Variants in LRP1B observed in about 807,000 individuals in gnomAD.
LRP1B encodes LDL receptor related protein 1B, also known as low-density lipoprotein receptor-related protein 1B.
Under a neutral mutation model 556.6 loss-of-function variants are expected in LRP1B, and 217 were observed. The ratio of observed to expected loss-of-function variants is 0.39; its 90% confidence interval spans 0.35 to 0.44. LRP1B has a LOEUF of 0.44. Among genes scored for constraint, LRP1B ranks in the 20% least tolerant of loss-of-function variants. LRP1B has a pLI of 1.00. For missense variants in LRP1B, 5,053 were observed against 5,620.8 expected (o/e 0.90, Z 3.23); for synonymous variants, 2,047 against 1,865.8 (o/e 1.10, Z -2.50).
intron 25 of LRP1B, among the ~76,000 whole-genome samples, chr2:140,880,489 A>G (rs1426316019): frequency 6.6e-6 from 1 of 152,170 alleles, no homozygotes; most frequent in African/African-American, 2.4e-5. Context: ...GTCAAAATCC[A>G]GAAGACTGAA....
chr2:141,942,214 C>T (rs549574092), intron 1 of LRP1B, among the ~76,000 whole-genome samples: 1 of 152,250 alleles, frequency 6.6e-6, no homozygotes, highest in African/African-American at 2.4e-5. Flanking sequence ...GCCCTCGCCC[C>T]GCCCTCCACC....
In LRP1B at chr2:141,290,743, C is replaced by T. The variant is rs150892207; in HGVS notation, c.344-36102G>A. On this transcript the variant is annotated intron_variant, in intron 3 of 90. Transcript: ENST00000389484. ...AACTAGTTTCCTGGGATTTATGAGA[C>T]ATGGAGATTTGTAATTTTTATTTTG... 2.6e-4 allele frequency among the ~76,000 whole-genome samples: 40 copies of T among 152,188 alleles called. No homozygotes were observed. In the East Asian group the frequency reaches 7.3e-3, roughly 28 times the overall value.
intron 25 of LRP1B, among the ~76,000 whole-genome samples, chr2:140,879,360 T>C (rs566604303): frequency 6.6e-6 from 1 of 152,308 alleles, no homozygotes; most frequent in African/African-American, 2.4e-5. Flanking sequence ...TGGGACACTT[T>C]GATTCACTAA....
At chr2:141,420,752 A>G (rs912238591) in intron 3 of LRP1B, among the ~76,000 whole-genome samples, 3 of 152,198 alleles carry the variant, frequency 2.0e-5, no homozygotes, top group African/African-American at 4.8e-5. Context: ...TTGCCCAGCC[A>G]TGTTGGCCAT....
chr2:141,954,337 A>G (rs1187139215), intron 1 of LRP1B, among the ~76,000 whole-genome samples: 1 of 152,114 alleles, frequency 6.6e-6, no homozygotes, highest in Non-Finnish European at 1.5e-5. Context: ...GAAACACATA[A>G]AGAAAAATGA....
chr2:142,040,548 A>G (rs1174710817), intron 1 of LRP1B, among the ~76,000 whole-genome samples: 1 of 151,172 alleles, frequency 6.6e-6, no homozygotes, highest in African/African-American at 2.4e-5. Flanking sequence ...AAAATAAGGT[A>G]TGGGTTATCC....
chr2:141,123,679 G>T (rs1397226025), intron 7 of LRP1B, among the ~76,000 whole-genome samples: 1 of 151,936 alleles, frequency 6.6e-6, no homozygotes, highest in African/African-American at 2.4e-5. Context: ...CACAAAAATG[G>T]CTCATTAGCC....
chr2:141,613,044 C>G (rs1335623842), intron 2 of LRP1B, among the ~76,000 whole-genome samples: 3 of 151,844 alleles, frequency 2.0e-5, no homozygotes, highest in Non-Finnish European at 4.4e-5. Context: ...CTCCTGACCT[C>G]GTGATCCACC....
At chr2:141,753,064 C>T (rs921628248) in intron 2 of LRP1B, among the ~76,000 whole-genome samples, 1 of 148,594 alleles carries the variant, frequency 6.7e-6, no homozygotes, top group Non-Finnish European at 1.5e-5. Flanking sequence ...GCCTAACCAA[C>T]ATGGAAAAAT....
At position 140,541,967 on chromosome 2, in the gene LRP1B, A is replaced by T. The variant is rs1680153116; in HGVS notation, c.7199T>A (p.Ile2400Lys). Reference protein sequence around the residue: ...CEYDGSQRHVIVKSGPGTFLS... With the variant: ...CEYDGSQRHVKVKSGPGTFLS... ...GAAAGTCCCTGGCCCAGATTTAACT[A>T]TCACCTGAAATAAATTAAAATACTG... The change falls in exon 44 of 91, where the codon ATA (isoleucine) becomes AAA (lysine). Residue 2400 changes from isoleucine (I) to lysine (K), a missense_variant. Ile to Lys is a moderately radical substitution (Grantham distance 102). Around this residue, in one of 5 missense-constraint regions of LRP1B, gnomAD observed 3,619 missense variants for 3,931.9 expected, o/e 0.92. Coordinates refer to ENST00000389484, the MANE Select transcript of LRP1B (RefSeq NM_018557.3). The T allele has an allele frequency of 6.3e-7, 1 of 1,595,434 alleles. No individual in the cohort carries two copies. Among genetic ancestry groups the T allele is most frequent in the Non-Finnish European group, 8.6e-7 (1 of 1,167,912 alleles).
chr2:140,325,456 C>A (rs893746414), intron 80 of LRP1B, among the ~76,000 whole-genome samples: 2 of 152,088 alleles, frequency 1.3e-5, no homozygotes, highest in Non-Finnish European at 2.9e-5. Flanking sequence ...AGGTGCTGAT[C>A]TTGACTACTG....
rs377658832 is a variant in LRP1B, at chr2:140,438,016, T to C, written c.10414+4488A>G. On this transcript the variant is annotated intron_variant, in intron 66 of 90. Coordinates refer to ENST00000389484, the MANE Select transcript of LRP1B (RefSeq NM_018557.3). ...AAGTGTATATGTGTGAAATATTTCT[T>C]TTTGATTGTTTGTTTTTTCTGAGAT... is the stretch of plus-strand genomic sequence containing the variant. Among the ~76,000 whole-genome samples the C allele has an allele frequency of 1.1e-4, 17 of 151,930 alleles. No homozygotes were observed. The East Asian group carries it at 1.3e-3, about 12-fold the overall frequency.
At chr2:142,024,490 G>A (rs1703441034) in intron 1 of LRP1B, among the ~76,000 whole-genome samples, 1 of 152,114 alleles carries the variant, frequency 6.6e-6, no homozygotes, top group Non-Finnish European at 1.5e-5. Flanking sequence ...TGTTGGTCCA[G>A]GGATTACACT....
intron 3 of LRP1B, among the ~76,000 whole-genome samples, chr2:141,414,156 G>A (rs1466446885): frequency 7.3e-5 from 11 of 149,998 alleles, no homozygotes; most frequent in African/African-American, 2.5e-4. Context: ...AGAATGGCGT[G>A]AACCCGGGAG....
intron 7 of LRP1B, among the ~76,000 whole-genome samples, chr2:141,182,584 G>T (rs1484191092): frequency 6.6e-6 from 1 of 151,772 alleles, no homozygotes; most frequent in Non-Finnish European, 1.5e-5. Flanking sequence ...TGGGAGAGAA[G>T]CTGCAACATT....
intron 1 of LRP1B, among the ~76,000 whole-genome samples, chr2:142,065,826 A>T (rs1574648684): frequency 6.6e-6 from 1 of 151,212 alleles, no homozygotes. Flanking sequence ...TTTAAATCTC[A>T]TCAACTCAAA....
intron 1 of LRP1B, among the ~76,000 whole-genome samples, chr2:141,868,407 G>A (rs1296900624): frequency 2.6e-5 from 4 of 152,144 alleles, no homozygotes; most frequent in African/African-American, 7.2e-5. Context: ...CATACAGCAT[G>A]TCTCTCCAGA....
At chr2:141,224,661 T>C (rs1683175703) in intron 6 of LRP1B, among the ~76,000 whole-genome samples, 1 of 152,144 alleles carries the variant, frequency 6.6e-6, no homozygotes, top group Non-Finnish European at 1.5e-5. Flanking sequence ...GATTATTTTC[T>C]TTGCAGGGAC....
intron 1 of LRP1B, among the ~76,000 whole-genome samples, chr2:141,918,956 C>A (rs980752032): frequency 6.6e-6 from 1 of 152,046 alleles, no homozygotes; most frequent in African/African-American, 2.4e-5. Context: ...AAAATCCAAG[C>A]CAGGTATAAT....
Sources: gnomAD v4.1 joint callset for allele counts (sites outside exome capture counted in the v4.1 genomes callset) on GRCh38, gnomAD v4.1.1 for gene constraint, gnomAD v4.1.1 regional missense constraint, MANE v1.5 for transcripts, NCBI Gene and HGNC (gene_info 2026-07-23, HGNC 2026-07-21) for gene names.